Variants in PPP2R2D observed in about 807,000 individuals in gnomAD.
PPP2R2D encodes serine/threonine-protein phosphatase 2A 55 kDa regulatory subunit B delta isoform.
In PPP2R2D, 9 loss-of-function variants were observed where a neutral mutation model predicts 31.1. The ratio of observed to expected loss-of-function variants is 0.29; its 90% CI spans 0.17 to 0.51. The LOEUF is 0.51. Among genes scored for constraint, PPP2R2D ranks in the 20% least tolerant of loss-of-function variants. The pLI, the probability that PPP2R2D is intolerant of heterozygous loss-of-function variation, is 0.98. For missense variants in PPP2R2D, 391 were observed against 465.6 expected (o/e 0.84, Z 1.48); for synonymous variants, 179 against 172.6 (o/e 1.04, Z -0.29).
intron 3 of PPP2R2D, among the ~76,000 whole-genome samples, chr10:131,938,895 T>C (rs2036391290): frequency 6.6e-6 from 1 of 152,206 alleles, no homozygotes; most frequent in African/African-American, 2.4e-5. Context: ...CTGGCTCTCC[T>C]CTAGAGCAGA....
chr10:131,907,013 A>G (rs1430202490), intron 2 of PPP2R2D, among the ~76,000 whole-genome samples: 3 of 151,858 alleles, frequency 2.0e-5, no homozygotes, highest in African/African-American at 4.8e-5. Flanking sequence ...TCTTTTATAT[A>G]TAATCTCCTA....
intron 2 of PPP2R2D, among the ~76,000 whole-genome samples, chr10:131,930,493 A>G (rs1554895535): frequency 1.3e-5 from 2 of 152,230 alleles, no homozygotes; most frequent in African/African-American, 2.4e-5. Flanking sequence ...GGCTCTTTGC[A>G]TATTCGAAAA....
chr10:131,963,913 G>A (rs781996651), downstream of PPP2R2D, among the ~76,000 whole-genome samples: 10 of 152,164 alleles, frequency 6.6e-5, no homozygotes, highest in Non-Finnish European at 1.2e-4. Flanking sequence ...GCACCTGCCT[G>A]GCTGTCTCAC....
At chr10:131,967,990 T>C in the PPP2R2D span, 1 of 152,724 alleles carries the variant, frequency 6.5e-6, no homozygotes, top group African/African-American at 2.4e-5. Flanking sequence ...TTTCTGTTGA[T>C]TATGAACAAT....
chr10:131,932,908 G>GT (rs1264754919), intron 2 of PPP2R2D, among the ~76,000 whole-genome samples: 3 of 152,126 alleles, frequency 2.0e-5, no homozygotes, highest in Non-Finnish European at 4.4e-5. Flanking sequence ...AGTTACAGGA[G>GT]TTTCTCTTTT....
downstream of PPP2R2D, among the ~76,000 whole-genome samples, chr10:131,960,115 A>G (rs1284797022): frequency 6.6e-6 from 1 of 152,236 alleles, no homozygotes; most frequent in African/African-American, 2.4e-5. Context: ...TCCCCAGTGC[A>G]GTCTTGATGT....
chr10:131,941,955 G>C (rs1488343770), intron 5 of PPP2R2D, among the ~76,000 whole-genome samples: 1 of 152,218 alleles, frequency 6.6e-6, no homozygotes, highest in African/African-American at 2.4e-5. Context: ...CAAAATGTTG[G>C]TGATGTCTGA....
chr10:131,952,372 C>T (rs2036664451), intron 8 of PPP2R2D, among the ~76,000 whole-genome samples: 1 of 57,704 alleles, frequency 1.7e-5, no homozygotes, highest in African/African-American at 7.8e-5. Flanking sequence ...GTCTTAGTGA[C>T]TTGCGGGTGT....
intron 2 of PPP2R2D, among the ~76,000 whole-genome samples, chr10:131,929,564 G>A (rs1554895393): frequency 1.3e-5 from 2 of 152,004 alleles, no homozygotes; most frequent in Admixed American, 6.6e-5. Flanking sequence ...TCTCCACATC[G>A]CCCGTGTCCT....
chr10:131,920,353 G>A (rs571887332), intron 2 of PPP2R2D, among the ~76,000 whole-genome samples: 4 of 144,822 alleles, frequency 2.8e-5, no homozygotes, highest in South Asian at 4.5e-4. Context: ...GGGACCTCAG[G>A]CAGGTGGAAT....
intron 2 of PPP2R2D, among the ~76,000 whole-genome samples, chr10:131,917,408 G>GAC (rs1309772856): frequency 1.5e-5 from 2 of 130,270 alleles, no homozygotes; most frequent in Non-Finnish European, 3.2e-5. Context: ...CGGGTGGAAT[G>GAC]ACAGTGTTTG....
chr10:131,902,298 C>T (rs893821529), intron 2 of PPP2R2D, among the ~76,000 whole-genome samples: 48 of 152,200 alleles, frequency 3.2e-4, no homozygotes, highest in Non-Finnish European at 6.0e-4. Flanking sequence ...AATACACCTT[C>T]CCTGCCTCAA....
At chr10:131,904,847 G>A (rs983783125) in intron 2 of PPP2R2D, among the ~76,000 whole-genome samples, 7 of 152,222 alleles carry the variant, frequency 4.6e-5, no homozygotes, top group Non-Finnish European at 1.0e-4. Context: ...AGGTCATGAA[G>A]TGAGTGACAT....
chr10:131,933,796 A>G (rs2036287182), intron 2 of PPP2R2D, among the ~76,000 whole-genome samples: 1 of 151,948 alleles, frequency 6.6e-6, no homozygotes, highest in South Asian at 2.1e-4. Flanking sequence ...CTCACTGCTT[A>G]GTGGTGGTGT....
intron 2 of PPP2R2D, among the ~76,000 whole-genome samples, chr10:131,932,848 T>C (rs2036267670): frequency 6.6e-6 from 1 of 152,062 alleles, no homozygotes; most frequent in South Asian, 2.1e-4. Context: ...TGTTTCTAAT[T>C]TTAGGTTCAC....
chr10:131,931,040 AC>A (rs782358083), intron 2 of PPP2R2D, among the ~76,000 whole-genome samples: 5 of 152,082 alleles, frequency 3.3e-5, no homozygotes, highest in Non-Finnish European at 7.4e-5. Context: ...CCTGGCTGAG[AC>A]CAGCCCAGGT....
chr10:131,932,305 C>G (rs1193262994), intron 2 of PPP2R2D, among the ~76,000 whole-genome samples: 2 of 152,066 alleles, frequency 1.3e-5, no homozygotes, highest in African/African-American at 4.8e-5. Flanking sequence ...CCAGGCTGTA[C>G]CGTGGGCAGA....
chr10:131,932,018 A>G (rs1232950192), intron 2 of PPP2R2D, among the ~76,000 whole-genome samples: 2 of 142,454 alleles, frequency 1.4e-5, no homozygotes, highest in East Asian at 2.3e-4. Flanking sequence ...CTGCTCACAT[A>G]GATGCTTTTT....
At position 131,954,299 on chromosome 10, in the gene PPP2R2D, C is replaced by G. The variant is rs576593171; in HGVS notation, c.1083-1385C>G. On this transcript the variant is annotated intron_variant, in intron 8 of 8. Coordinates refer to ENST00000455566, the MANE Select transcript of PPP2R2D (RefSeq NM_018461.5). The stretch of plus-strand genomic sequence containing the variant: ...ATTCCAGTCAGTGTCGGCCATACAT[C>G]ATCTGTCGTCTGTGTTCTGAATAAT... Among the ~76,000 whole-genome samples the G allele has an allele frequency of 1.6e-4, 24 of 152,374 alleles. 1 individual carries two copies. The highest frequency in any genetic ancestry group is 5.5e-4 in the African/African-American group (23 of 41,588).
Sources: gnomAD v4.1 joint callset for allele counts (sites outside exome capture counted in the v4.1 genomes callset) on GRCh38, gnomAD v4.1.1 for gene constraint, MANE v1.5 for transcripts, NCBI Gene and HGNC (gene_info 2026-07-23, HGNC 2026-07-21) for gene names.